Variants in LRRC24 observed in about 807,000 individuals in gnomAD.
LRRC24 encodes leucine rich repeat containing 24.
A neutral mutation model predicts 15.3 loss-of-function variants in LRRC24; 19 were observed. The observed-to-expected ratio is 1.25, with a 90% CI of 0.87 to 1.83. The LOEUF is 1.83. Ranked by LOEUF, LRRC24 falls within the 40% of genes most tolerant of loss-of-function variation. The pLI is 0.00. For missense variants in LRRC24, 914 were observed against 723.9 expected, an observed-to-expected ratio of 1.26 and a Z score of -3.01; for synonymous variants, 469 against 359.6, an observed-to-expected ratio of 1.30 and a Z score of -3.44.
chr8:144,524,709 A>G lies in LRRC24; in HGVS notation c.170T>C (p.Leu57Pro). The G allele has an allele frequency of 6.9e-7, 1 of 1,457,118 alleles. No homozygotes were observed. Among genetic ancestry groups the G allele is most frequent in the Non-Finnish European group, 9.0e-7 (1 of 1,112,922 alleles). 90.3% of individuals were successfully genotyped at this position (1,457,118 alleles called of 1,614,324 possible). ...GIPPGTQTLF[L>P]QDNNIARLEP... ...TAGGCGGGCGATGTTGTTGTCCTGC[A>G]GGAACAGTGTCTGCAGGCCGGGGAA... The change falls in exon 3 of 5, where the codon CTG becomes CCG. Residue 57 changes from leucine (L) to proline (P), a missense_variant. By Grantham distance (98) the Leu-to-Pro change is moderately conservative. Transcript: ENST00000529415.
chr8:144,526,078 C>CGG (rs2130801100), intron 1 of LRRC24: 1 of 152,310 alleles, frequency 6.6e-6, no homozygotes, highest in African/African-American at 2.4e-5. Context: ...CTCATCTGGC[C>CGG]GGCCTCCCCA....
Position 144,523,313 on chromosome 8 carries a change from A to G in LRRC24, c.704T>C (p.Met235Thr), listed in dbSNP as rs746966518. Residue 235 changes from methionine to threonine, a missense_variant, in exon 5 of 5, where the codon ATG (methionine) becomes ACG (threonine). Coordinates refer to ENST00000529415, the MANE Select transcript of LRRC24 (RefSeq NM_001024678.4). ...CGCCAGGCGCGGGGGCTCTGCACAC[A>G]TGATCTTCCTGTCCCTGGAGGTGAG... is the stretch of plus-strand genomic sequence containing the variant. ...RLLTSRDRKI[M>T]CAEPPRLALQ... 5.6e-6 allele frequency: 9 copies of G among 1,609,958 alleles called. No individual in the cohort carries two copies. Among genetic ancestry groups the G allele is most frequent in the Non-Finnish European group, 7.6e-6 (9 of 1,178,458 alleles).
At chr8:144,525,107 C>T (rs1033799268) in intron 1 of LRRC24, 74 bp from the exon 2 acceptor site, 6 of 1,021,122 alleles carry the variant, frequency 5.9e-6, no homozygotes, top group Admixed American at 3.8e-5. Flanking sequence ...CCTGCACCTG[C>T]GTCTAACTTT....
In LRRC24 at chr8:144,522,451, C is replaced by T. The variant is rs745415569; in HGVS notation, c.*24G>A. The T allele has an allele frequency of 1.7e-5, 24 of 1,397,010 alleles. No homozygotes were observed. The highest frequency in any genetic ancestry group is 2.5e-4 in the Middle Eastern group (1 of 3,968). 86.5% of individuals were successfully genotyped at this position (1,397,010 alleles called of 1,614,324 possible). On this transcript the variant is annotated 3_prime_UTR_variant, in exon 5 of 5. Transcript: ENST00000529415. ...GCCGCACCGGCCAATCTCCGGCGCC[C>T]ACGTCATCCGCGCGCCCGCGGCCCT...
At chr8:144,526,856 C>T (rs1334888212) in intron 1 of LRRC24, 104 bp downstream of exon 1, 2 of 152,410 alleles carry the variant, frequency 1.3e-5, no homozygotes, top group African/African-American at 4.8e-5. Context: ...CATCCCCCTC[C>T]AGGACCCACG....
Position 144,522,920 on chromosome 8 carries a change from C to A in LRRC24, c.1097G>T (p.Arg366Leu). ...VPFRLLVNAS[R>L]QQPQQPAQPP... ...TTGCGCGGGCTGCTGCGGCTGCTGC[C>A]GGGACGCGTTGACCAGGAGCCGGAA... is the stretch of plus-strand genomic sequence containing the variant. The change falls in exon 5 of 5, where the codon CGG becomes CTG. Residue 366 changes from arginine (R) to leucine (L), a missense_variant. Transcript: ENST00000529415. 6.9e-7 allele frequency: 1 copy of A among 1,457,972 alleles called. No individual in the cohort carries two copies. Among genetic ancestry groups the A allele is most frequent in the South Asian group, 1.4e-5 (1 of 73,318 alleles). 90.3% of individuals were successfully genotyped at this position (1,457,972 alleles called of 1,614,324 possible).
At position 144,523,217 on chromosome 8, in the gene LRRC24, A is replaced by G; in HGVS notation, c.800T>C (p.Leu267Pro). Residue 267 changes from leucine (L) to proline (P), a missense_variant, in exon 5 of 5, where the codon CTG becomes CCG. Coordinates refer to ENST00000529415, the MANE Select transcript of LRRC24 (RefSeq NM_001024678.4). ...CTCACCCAGGTTGGCTGTGAGCTCC[A>G]GCGGCTGCACGTGGACAGAGGGCGG... ...CIPPSVHVQP[L>P]ELTANLGEDL... 1 of 1,609,584 alleles carries G rather than the reference A, an allele frequency of 6.2e-7. No individual in the cohort carries two copies. Among genetic ancestry groups the G allele is most frequent in the Non-Finnish European group, 8.5e-7 (1 of 1,178,584 alleles).
Position 144,523,100 on chromosome 8 carries a change from G to T in LRRC24, c.917C>A (p.Ala306Asp), listed in dbSNP as rs779872172. 2.5e-6 allele frequency: 4 copies of T among 1,608,964 alleles called. No individual in the cohort carries two copies. Among genetic ancestry groups the T allele is most frequent in the Non-Finnish European group, 3.4e-6 (4 of 1,179,488 alleles). Residue 306 changes from alanine to aspartate, a missense_variant, in exon 5 of 5, where the codon GCC becomes GAC. Coordinates refer to ENST00000529415, the MANE Select transcript of LRRC24 (RefSeq NM_001024678.4). Reference sequence around the variant, plus strand: ...CAACCCGCCTTCTAGCTGGGCCTGGGCTCGCGGCCGGCCCTCGCGAGGCTG... The same window carrying T: ...CAACCCGCCTTCTAGCTGGGCCTGGTCTCGCGGCCGGCCCTCGCGAGGCTG... Reference protein sequence around the residue: ...VPQPREGRPRAQAQLEGGLLG... With the variant: ...VPQPREGRPRDQAQLEGGLLG...
chr8:144,524,918 G>A lies in LRRC24; in HGVS notation c.57C>T (p.Arg19=). 4.6e-6 allele frequency: 7 copies of A among 1,514,022 alleles called. No individual in the cohort carries two copies. Among genetic ancestry groups the A allele is most frequent in the Non-Finnish European group, 6.2e-6 (7 of 1,132,458 alleles). 93.8% of individuals were successfully genotyped at this position (1,514,022 alleles called of 1,614,324 possible). A position where few individuals can be genotyped will look rare whatever the true frequency, so the allele number is the denominator to read the frequency against. The change falls in exon 2 of 5, where the codon CGC becomes CGT. Residue 19 remains arginine, a synonymous_variant. Coordinates refer to ENST00000529415, the MANE Select transcript of LRRC24 (RefSeq NM_001024678.4). ...LPLLLLLLPL[R]AAGCPAACRC... is the part of the protein sequence containing the mutation. ...GGCAGGCTGCTGGGCAGCCGGCGGC[G>A]CGGAGCGGCAGTAGTAGCAGCAGCA...
At position 144,522,489 on chromosome 8, in the gene LRRC24, C is replaced by G. The variant is rs1034732091; in HGVS notation, c.1528G>C (p.Glu510Gln). The change falls in exon 5 of 5, where the codon GAG becomes CAG. Residue 510 changes from glutamate to glutamine, a missense_variant. Glu to Gln is a conservative substitution (Grantham distance 29). Coordinates refer to ENST00000529415, the MANE Select transcript of LRRC24 (RefSeq NM_001024678.4). Reference protein sequence around the residue: ...GLRVPPPVAYEIHC With the variant: ...GLRVPPPVAYQIHC ...CGCCCGCGGCCCTAGCAGTGGATCT[C>G]GTAGGCGACCGGCGGGGGCACGCGG... 7.4e-6 allele frequency: 11 copies of G among 1,491,758 alleles called. No homozygotes were observed. The highest frequency in any genetic ancestry group is 9.8e-6 in the Non-Finnish European group (11 of 1,127,792). The allele number at this position is 1,491,758 out of a possible 1,614,324, so 92.4% of individuals were successfully genotyped here.
At position 144,523,230 on chromosome 8, in the gene LRRC24, G is replaced by T; in HGVS notation, c.787C>A (p.His263Asn). 1 of 1,610,064 alleles carries T rather than the reference G, an allele frequency of 6.2e-7. No homozygotes were observed. Among genetic ancestry groups the T allele is most frequent in the Non-Finnish European group, 8.5e-7 (1 of 1,178,804 alleles). The change falls in exon 5 of 5, where the codon CAC becomes AAC. Residue 263 changes from histidine to asparagine, a missense_variant. His to Asn is a moderately conservative substitution (Grantham distance 68, BLOSUM62 1). Coordinates refer to ENST00000529415, the MANE Select transcript of LRRC24 (RefSeq NM_001024678.4). Reference sequence around the variant, plus strand: ...GCTGTGAGCTCCAGCGGCTGCACGTGGACAGAGGGCGGAATGCAGATGAGG... The same window carrying T: ...GCTGTGAGCTCCAGCGGCTGCACGTTGACAGAGGGCGGAATGCAGATGAGG... Reference protein sequence around the residue: ...SSLICIPPSVHVQPLELTANL... With the variant: ...SSLICIPPSVNVQPLELTANL...
chr8:144,524,039 T>C, intron 4 of LRRC24, 71 bp downstream of exon 4: 2 of 1,531,108 alleles, frequency 1.3e-6, no homozygotes, highest in Non-Finnish European at 8.9e-7. Flanking sequence ...TCAGAGCCCC[T>C]CCACACATGA....
chr8:144,523,453 A>G lies in LRRC24; in HGVS notation c.608-44T>C, dbSNP rs770268119. On this transcript the variant is annotated intron_variant, in intron 4 of 4. Coordinates refer to ENST00000529415, the MANE Select transcript of LRRC24 (RefSeq NM_001024678.4). ...AGGCAGGTGGCTTGAGGGTGCTGCT[A>G]AAACAGCCTGTGCAGTTGGGGTTTT... 6 of 1,501,094 alleles carry G rather than the reference A, an allele frequency of 4.0e-6. No individual in the cohort carries two copies. The South Asian group carries it at 5.4e-5, about 13-fold the overall frequency. The allele number at this position is 1,501,094 out of a possible 1,614,324, so 93.0% of individuals were successfully genotyped here.
In LRRC24 at chr8:144,522,411, C is replaced by T; in HGVS notation, c.*64G>A. 7.3e-7 allele frequency: 1 copy of T among 1,370,126 alleles called. No individual in the cohort carries two copies. Among genetic ancestry groups the T allele is most frequent in the Non-Finnish European group, 9.4e-7 (1 of 1,069,064 alleles). 84.9% of individuals were successfully genotyped at this position (1,370,126 alleles called of 1,614,324 possible). ...ACTGCGCGGCTTCCACCTTTACTGA[C>T]GGAGCATGCGCGAGGCCGCACCGGC... On this transcript the variant is annotated 3_prime_UTR_variant, in exon 5 of 5. Coordinates refer to ENST00000529415, the MANE Select transcript of LRRC24 (RefSeq NM_001024678.4).
chr8:144,522,777 G>A lies in LRRC24; in HGVS notation c.1240C>T (p.Leu414=), dbSNP rs772861025. ...QTAIAAAIAL[L]ALTALLLVAM... is the part of the protein sequence containing the mutation. ...ACCAGGAGCAGCGCCGTGAGCGCCA[G>A]CAGCGCGATGGCCGCCGCAATGGCC... The change falls in exon 5 of 5, where the codon CTG becomes TTG. Residue 414 remains leucine, a synonymous_variant. Transcript: ENST00000529415. The A allele has an allele frequency of 5.8e-6, 9 of 1,561,718 alleles. No homozygotes were observed. Among genetic ancestry groups the A allele is most frequent in the Non-Finnish European group, 7.8e-6 (9 of 1,157,748 alleles).
chr8:144,522,491 T>C lies in LRRC24; in HGVS notation c.1526A>G (p.Tyr509Cys), dbSNP rs1358667334. ...PGLRVPPPVA[Y>C]EIHC is the part of the protein sequence containing the mutation. ...CCCGCGGCCCTAGCAGTGGATCTCGTAGGCGACCGGCGGGGGCACGCGGAG... is the reference window on the plus strand; with the variant it reads ...CCCGCGGCCCTAGCAGTGGATCTCGCAGGCGACCGGCGGGGGCACGCGGAG... Residue 509 changes from tyrosine to cysteine, a missense_variant, in exon 5 of 5, where the codon TAC (tyrosine) becomes TGC (cysteine). By Grantham distance (194) the Tyr-to-Cys change is radical. Coordinates refer to ENST00000529415, the MANE Select transcript of LRRC24 (RefSeq NM_001024678.4). 6.7e-7 allele frequency: 1 copy of C among 1,493,136 alleles called. No homozygotes were observed. The highest frequency in any genetic ancestry group is 8.9e-7 in the Non-Finnish European group (1 of 1,128,214). The allele number at this position is 1,493,136 out of a possible 1,614,324, so 92.5% of individuals were successfully genotyped here.
rs937791613 is a variant in LRRC24 at position 144,522,601 on chromosome 8, G to A, written c.1416C>T (p.Val472=). 1.0e-5 allele frequency: 16 copies of A among 1,568,790 alleles called. No homozygotes were observed. The African/African-American group carries it at 2.2e-4, about 22-fold the overall frequency. ...LRDERGHEMF[V]INRSKPLFAE... is the part of the protein sequence containing the mutation. ...CGAAGAGCGGCTTGGAGCGGTTGAT[G>A]ACGAACATCTCGTGGCCGCGCTCGT... Residue 472 remains valine (V), a synonymous_variant, in exon 5 of 5, where the codon GTC becomes GTT. Transcript: ENST00000529415.
At position 144,523,394 on chromosome 8, in the gene LRRC24, C is replaced by A; in HGVS notation, c.623G>T (p.Cys208Phe). The stretch of plus-strand genomic sequence containing the variant: ...ACCCAGCCAGTGCAGGGCGCAGTCA[C>A]AGCGCCATGGGTTCTCTGTGGGAGA... ...VLRLTENPWR[C>F]DCALHWLGAW... The change falls in exon 5 of 5, where the codon TGT becomes TTT. Residue 208 changes from cysteine (C) to phenylalanine (F), a missense_variant. Cys to Phe is a radical substitution (Grantham distance 205). Coordinates refer to ENST00000529415, the MANE Select transcript of LRRC24 (RefSeq NM_001024678.4). 1 of 1,539,752 alleles carries A rather than the reference C, an allele frequency of 6.5e-7. No individual in the cohort carries two copies. The highest frequency in any genetic ancestry group is 1.3e-5 in the South Asian group (1 of 79,452).
rs778729384 is a variant in LRRC24 at position 144,522,530 on chromosome 8, C to T, written c.1487G>A (p.Gly496Glu). Residue 496 changes from glycine (G) to glutamate (E), a missense_variant, in exon 5 of 5, where the codon GGG becomes GAG. Transcript: ENST00000529415. ...GGGCACGCGGAGTCCCGGCCCCGCCCCCTGTTCCGGGCCGCAGTCAGCGGG... is the reference window on the plus strand; with the variant it reads ...GGGCACGCGGAGTCCCGGCCCCGCCTCCTGTTCCGGGCCGCAGTCAGCGGG... ...EAPADCGPEQ[G>E]AGPGLRVPPP... 3 of 1,521,052 alleles carry T rather than the reference C, an allele frequency of 2.0e-6. No homozygotes were observed. Among genetic ancestry groups the T allele is most frequent in the Admixed American group, 4.3e-5 (2 of 46,976 alleles). The allele number at this position is 1,521,052 out of a possible 1,614,324, so 94.2% of individuals were successfully genotyped here.
Sources: gnomAD v4.1 joint callset for allele counts on GRCh38, gnomAD v4.1.1 for gene constraint, MANE v1.5 for transcripts, NCBI Gene and HGNC (gene_info 2026-07-23, HGNC 2026-07-21) for gene names.